TPP2: variants seen among roughly 807,000 people sequenced by gnomAD.
TPP2 encodes the protein tripeptidyl peptidase 2.
A neutral mutation model predicts 155.9 loss-of-function variants in TPP2; 34 were observed. The observed-to-expected ratio is 0.22, with a 90% CI of 0.17 to 0.29. The LOEUF is 0.29. Among genes scored for constraint, TPP2 ranks in the 10% least tolerant of loss-of-function variants. TPP2 has a pLI of 1.00. For missense variants in TPP2, 1,028 were observed against 1,522.3 expected, an observed-to-expected ratio of 0.68 and a Z score of 5.40; for synonymous variants, 510 against 529.4, an observed-to-expected ratio of 0.96 and a Z score of 0.50.
rs773052223 is a variant in TPP2 at position 102,630,214 on chromosome 13, C to T, written c.1244+19C>T. Reference sequence around the variant, plus strand: ...GACCTAGGTAGGTGCAGGTAGAACGCGGAACCATTACGTATATTCGGTTAA... The same window carrying T: ...GACCTAGGTAGGTGCAGGTAGAACGTGGAACCATTACGTATATTCGGTTAA... On this transcript the variant is annotated intron_variant, in intron 10 of 29. Coordinates refer to ENST00000376052, the MANE Select transcript of TPP2 (RefSeq NM_001330588.2). 129 of 1,577,788 alleles carry T rather than the reference C, an allele frequency of 8.2e-5. No individual in the cohort carries two copies. The highest frequency in any genetic ancestry group is 1.1e-4 in the East Asian group (5 of 44,656).
chr13:102,619,282 C>T (rs908582283), intron 5 of TPP2, among the ~76,000 whole-genome samples: 2 of 152,160 alleles, frequency 1.3e-5, no homozygotes, highest in African/African-American at 4.8e-5. Flanking sequence ...AGTTACCCAT[C>T]ATGTACGTTT....
At chr13:102,648,294 C>A (rs1035490912) in intron 21 of TPP2, among the ~76,000 whole-genome samples, 4 of 152,106 alleles carry the variant, frequency 2.6e-5, no homozygotes, top group African/African-American at 4.8e-5. Context: ...GTGGGAGGAT[C>A]GCTTGAGCCC....
chr13:102,599,986 TAA>T (rs67928668), intron 1 of TPP2, among the ~76,000 whole-genome samples: 184 of 142,670 alleles, frequency 1.3e-3, no homozygotes, highest in African/African-American at 3.2e-3. Flanking sequence ...TTAGATTCCT[TAA>T]AAAAAAAAAA....
In TPP2 at chr13:102,679,609, A is replaced by C. The variant is rs1425255130; in HGVS notation, c.*1293A>C. 6.6e-6 allele frequency: 1 copy of C among 152,224 alleles called. No homozygotes were observed. Among genetic ancestry groups the C allele is most frequent in the Non-Finnish European group, 1.5e-5 (1 of 68,046 alleles). 9.4% of individuals were successfully genotyped at this position (152,224 alleles called of 1,614,324 possible). On this transcript the variant is annotated 3_prime_UTR_variant, in exon 30 of 30. Coordinates refer to ENST00000376052, the MANE Select transcript of TPP2 (RefSeq NM_001330588.2). ...TTATGAGAAACATAAATACATGTAT[A>C]AGCATATTGGTCACACCTTCTGGGC...
intron 3 of TPP2, among the ~76,000 whole-genome samples, 191 bp downstream of exon 3, chr13:102,614,387 A>G (rs1595141868): frequency 6.6e-6 from 1 of 152,204 alleles, no homozygotes; most frequent in Non-Finnish European, 1.5e-5. Flanking sequence ...TAAACTTGTG[A>G]TTCTTGATCT....
chr13:102,632,836 G>A (rs898795020), intron 10 of TPP2, among the ~76,000 whole-genome samples: 12 of 152,172 alleles, frequency 7.9e-5, no homozygotes, highest in Admixed American at 7.9e-4. Context: ...AGATGACACT[G>A]TTCAGGCACT....
chr13:102,610,122 C>G (rs1291510136), intron 2 of TPP2, among the ~76,000 whole-genome samples: 1 of 152,216 alleles, frequency 6.6e-6, no homozygotes, highest in African/African-American at 2.4e-5. Flanking sequence ...CACTGGGATT[C>G]TGACTAGTTG....
At chr13:102,663,502 T>C in intron 25 of TPP2, 146 bp from the exon 26 acceptor site, 1 of 580,458 alleles carries the variant, frequency 1.7e-6, no homozygotes, top group Non-Finnish European at 2.8e-6. Flanking sequence ...CCAATAATGA[T>C]AATCCTTGTC....
intron 27 of TPP2, 81 bp downstream of exon 27, chr13:102,665,006 G>T: frequency 6.6e-7 from 1 of 1,520,854 alleles, no homozygotes; most frequent in South Asian, 1.2e-5. Context: ...TATTATAGAG[G>T]ATATTGCTTT....
At chr13:102,609,168 T>G (rs1031179726) in intron 2 of TPP2, among the ~76,000 whole-genome samples, 1 of 152,140 alleles carries the variant, frequency 6.6e-6, no homozygotes, top group Non-Finnish European at 1.5e-5. Context: ...GTCTCATCCT[T>G]TTTGTATTAG....
intron 5 of TPP2, among the ~76,000 whole-genome samples, chr13:102,622,160 A>T (rs1746694154): frequency 6.6e-6 from 1 of 152,198 alleles, no homozygotes; most frequent in South Asian, 2.1e-4. Context: ...TTTACTTGGC[A>T]ATTTTGACTG....
At chr13:102,638,544 A>G (rs1051632500) in intron 15 of TPP2, among the ~76,000 whole-genome samples, 1 of 152,084 alleles carries the variant, frequency 6.6e-6, no homozygotes, top group Admixed American at 6.6e-5. Context: ...TCTGCATCAA[A>G]ACTATTTCCA....
rs1222288810 is a variant in TPP2, at chr13:102,647,360, T to C, written c.2628+16T>C. The C allele has an allele frequency of 6.2e-7, 1 of 1,604,836 alleles. No individual in the cohort carries two copies. Among genetic ancestry groups the C allele is most frequent in the Admixed American group, 1.7e-5 (1 of 58,354 alleles). On this transcript the variant is annotated intron_variant, in intron 21 of 29. Transcript: ENST00000376052. ...TCCACATCAGGTATAAAATTGATGG[T>C]GATTTTTAGAATTAACGGAAGCTGT... is the stretch of plus-strand genomic sequence containing the variant.
chr13:102,630,132 C>T lies in TPP2; in HGVS notation c.1181C>T (p.Ala394Val). The T allele has an allele frequency of 6.2e-7, 1 of 1,613,562 alleles. No individual in the cohort carries two copies. The highest frequency in any genetic ancestry group is 8.5e-7 in the Non-Finnish European group (1 of 1,179,804). Reference protein sequence around the residue: ...GAYVSPDMMVAEYSLREKLPA... With the variant: ...GAYVSPDMMVVEYSLREKLPA... ...TATGTTTCTCCTGATATGATGGTTG[C>T]TGAGTATTCACTGAGAGAGAAATTA... Residue 394 changes from alanine to valine, a missense_variant, in exon 10 of 30, where the codon GCT (alanine) becomes GTT (valine). Transcript: ENST00000376052.
At chr13:102,671,483 C>T (rs646787) in intron 27 of TPP2, among the ~76,000 whole-genome samples, 123,790 of 152,158 alleles carry the variant, frequency 0.81, 50,835 homozygotes, top group African/African-American at 0.9. Context: ...AGGGGAGAAA[C>T]AACAGTGGCC....
At chr13:102,653,423 C>T (rs1474807212) in intron 24 of TPP2, among the ~76,000 whole-genome samples, 1 of 152,000 alleles carries the variant, frequency 6.6e-6, no homozygotes, top group African/African-American at 2.4e-5. Context: ...GAGACAGTCT[C>T]ACTCTACACT....
rs761701817 is a variant in TPP2, at chr13:102,630,212, C to T, written c.1244+17C>T. ...AGGACCTAGGTAGGTGCAGGTAGAACGCGGAACCATTACGTATATTCGGTT... is the reference window on the plus strand; with the variant it reads ...AGGACCTAGGTAGGTGCAGGTAGAATGCGGAACCATTACGTATATTCGGTT... On this transcript the variant is annotated intron_variant, in intron 10 of 29. Transcript: ENST00000376052. 51 of 1,582,406 alleles carry T rather than the reference C, an allele frequency of 3.2e-5. No individual in the cohort carries two copies. Among genetic ancestry groups the T allele is most frequent in the Middle Eastern group, 1.7e-4 (1 of 6,018 alleles).
intron 27 of TPP2, among the ~76,000 whole-genome samples, chr13:102,671,570 T>A (rs1884985502): frequency 2.0e-5 from 3 of 152,196 alleles, no homozygotes; most frequent in Non-Finnish European, 4.4e-5. Flanking sequence ...TTTAATGCTT[T>A]TCCTTATCTC....
intron 20 of TPP2, 47 bp downstream of exon 20, chr13:102,646,437 T>G (rs1883107041): frequency 6.8e-7 from 1 of 1,467,668 alleles, no homozygotes; most frequent in Admixed American, 1.9e-5. Context: ...AACTTTTGTG[T>G]TTTATTTATG....
Sources: allele counts gnomAD v4.1 joint callset (sites outside exome capture counted in the v4.1 genomes callset), GRCh38; gene constraint gnomAD v4.1.1; transcripts MANE v1.5; gene names NCBI Gene and HGNC (gene_info 2026-07-23, HGNC 2026-07-21).